PHF14: variants seen among roughly 807,000 people sequenced by gnomAD.
The protein encoded by PHF14 is PHD finger protein 14.
PHF14 carries 55 observed loss-of-function variants against 117.9 expected under a neutral mutation model. That is an observed-to-expected ratio of 0.47 (90% CI 0.38 to 0.58). The LOEUF is 0.58. Ranked by LOEUF, PHF14 falls within the 20% of genes least tolerant of loss-of-function variation. The pLI is 0.00. For missense variants in PHF14, 978 were observed against 1,122.2 expected, an observed-to-expected ratio of 0.87 and a Z score of 1.84; for synonymous variants, 409 against 368.6, an observed-to-expected ratio of 1.11 and a Z score of -1.26.
intron 16 of PHF14, chr7:11,104,979 T>G: frequency 1.1e-6 from 1 of 912,584 alleles, no homozygotes; most frequent in Non-Finnish European, 1.3e-6. Context: ...GATAAAAGAA[T>G]TAGTAATTTC....
rs1216074335 is a variant in PHF14 at position 10,974,094 on chromosome 7, C to T, written c.-230C>T. The T allele has an allele frequency of 1.4e-5, 7 of 509,534 alleles. No homozygotes were observed. In the East Asian group the frequency reaches 1.9e-4, roughly 14 times the overall value. 31.6% of individuals were successfully genotyped at this position (509,534 alleles called of 1,614,324 possible). ...CCGGAGGTCTTCTCCGGCCAGGGAG[C>T]GCTGTGGGAAGGGGCTCGAGCGGCC... On this transcript the variant is annotated 5_prime_UTR_variant, in exon 1 of 18. Coordinates refer to ENST00000634607, the MANE Select transcript of PHF14 (RefSeq NM_001007157.2).
intron 16 of PHF14, chr7:11,102,945 C>G: frequency 9.6e-7 from 1 of 1,041,172 alleles, no homozygotes; most frequent in Non-Finnish European, 1.2e-6. Flanking sequence ...TTAATAAATA[C>G]AATATGCTAC....
intron 16 of PHF14, chr7:11,105,320 A>G (rs1787222225): frequency 2.1e-6 from 2 of 937,022 alleles, no homozygotes; most frequent in South Asian, 4.9e-5. Context: ...CCAATAAATA[A>G]TAAAATATTT....
At chr7:11,110,635 C>A in intron 16 of PHF14, 1 of 449,440 alleles carries the variant, frequency 2.2e-6, no homozygotes, top group Non-Finnish European at 2.9e-6. Context: ...CTAGGAAGTA[C>A]TTTGTAAAAC....
intron 6 of PHF14, among the ~76,000 whole-genome samples, chr7:11,024,962 T>C (rs899294822): frequency 1.3e-5 from 2 of 152,194 alleles, no homozygotes; most frequent in Admixed American, 6.5e-5. Flanking sequence ...GCAAAGTAAA[T>C]TGAAAACCTT....
chr7:11,002,975 T>C (rs978331877), intron 4 of PHF14, among the ~76,000 whole-genome samples: 1 of 151,632 alleles, frequency 6.6e-6, no homozygotes, highest in Non-Finnish European at 1.5e-5. Context: ...TGAGACGGAG[T>C]CTCGCTCTGT....
intron 17 of PHF14, among the ~76,000 whole-genome samples, chr7:11,113,493 C>G (rs1787509156): frequency 6.6e-6 from 1 of 152,008 alleles, no homozygotes; most frequent in South Asian, 2.1e-4. Flanking sequence ...CTAACATTTT[C>G]AAAATTTTAT....
At chr7:11,041,601 C>T (rs1020761009) in intron 12 of PHF14, among the ~76,000 whole-genome samples, 1 of 151,820 alleles carries the variant, frequency 6.6e-6, no homozygotes, top group African/African-American at 2.4e-5. Context: ...GTTGGAGGCT[C>T]CCTCTACAAG....
chr7:11,067,610 TTC>T (rs1785466729), intron 16 of PHF14, among the ~76,000 whole-genome samples: 1 of 152,250 alleles, frequency 6.6e-6, no homozygotes, highest in Non-Finnish European at 1.5e-5. Context: ...TATATGTATA[TTC>T]TCTTAGTCCA....
chr7:11,085,764 G>T (rs1301567175), intron 16 of PHF14, among the ~76,000 whole-genome samples: 1 of 151,634 alleles, frequency 6.6e-6, no homozygotes, highest in Non-Finnish European at 1.5e-5. Flanking sequence ...TCACTATATT[G>T]TCCAGGCTAG....
At chr7:11,122,018 A>AC (rs1358710061) in intron 17 of PHF14, among the ~76,000 whole-genome samples, 1 of 148,810 alleles carries the variant, frequency 6.7e-6, no homozygotes, top group African/African-American at 2.5e-5. Flanking sequence ...CCCTTGCCCT[A>AC]CCCCCCGACA....
chr7:11,133,747 C>A (rs1462286205), intron 17 of PHF14, among the ~76,000 whole-genome samples: 1 of 151,992 alleles, frequency 6.6e-6, no homozygotes, highest in Non-Finnish European at 1.5e-5. Context: ...GGATTATCCT[C>A]AACCACAAAC....
chr7:11,056,525 A>G (rs1785026843), intron 14 of PHF14, among the ~76,000 whole-genome samples: 1 of 152,016 alleles, frequency 6.6e-6, no homozygotes, highest in Non-Finnish European at 1.5e-5. Context: ...TCAATTGACC[A>G]AAGGGAAAGC....
chr7:11,111,765 A>G (rs1402009286), intron 17 of PHF14, among the ~76,000 whole-genome samples: 2 of 152,082 alleles, frequency 1.3e-5, no homozygotes, highest in African/African-American at 2.4e-5. Context: ...CTGCTAACTT[A>G]ACACACTTGA....
At chr7:11,064,396 A>G (rs1785350606) in intron 16 of PHF14, among the ~76,000 whole-genome samples, 1 of 151,944 alleles carries the variant, frequency 6.6e-6, no homozygotes, top group East Asian at 1.9e-4. Flanking sequence ...GATATTTTAA[A>G]TAAGGATTTA....
chr7:10,973,990 T>C lies in PHF14; in HGVS notation c.-334T>C, dbSNP rs1781772424. On this transcript the variant is annotated 5_prime_UTR_variant, in exon 1 of 18. Coordinates refer to ENST00000634607, the MANE Select transcript of PHF14 (RefSeq NM_001007157.2). ...CTGGTCCAGGCTAATAAAGTTTTTCTTTCTTTAATTTTTTTTCTTCTAGTT... is the reference window on the plus strand; with the variant it reads ...CTGGTCCAGGCTAATAAAGTTTTTCCTTCTTTAATTTTTTTTCTTCTAGTT... 3.6e-6 allele frequency: 1 copy of C among 281,518 alleles called. No homozygotes were observed. The highest frequency in any genetic ancestry group is 2.2e-5 in the African/African-American group (1 of 45,118). The allele number at this position is 281,518 out of a possible 1,614,324, so 17.4% of individuals were successfully genotyped here.
intron 10 of PHF14, 87 bp from the exon 11 acceptor site, chr7:11,038,671 TTA>T (rs141703492): frequency 3.5e-4 from 117 of 334,352 alleles, no homozygotes; most frequent in South Asian, 4.7e-4. Context: ...AAAAAAAAAA[TTA>T]TATATATATA....
chr7:11,008,031 T>C (rs1783187727), intron 4 of PHF14, among the ~76,000 whole-genome samples: 1 of 152,168 alleles, frequency 6.6e-6, no homozygotes, highest in Non-Finnish European at 1.5e-5. Flanking sequence ...GACCGTGATG[T>C]CACTTATCCT....
rs1203487144 is a variant in PHF14 at position 11,122,390 on chromosome 7, TACAC to T, written c.2772+10929_2772+10932del. Among the ~76,000 whole-genome samples the T allele has an allele frequency of 1.8e-3, 165 of 91,300 alleles. 4 individuals are homozygous for T. Among genetic ancestry groups the T allele is most frequent in the South Asian group, 2.7e-3 (8 of 2,920 alleles). 59.9% of individuals were successfully genotyped at this position (91,300 alleles called of 152,430 possible). A position where few individuals can be genotyped will look rare whatever the true frequency, so the allele number is the denominator to read the frequency against. The stretch of plus-strand genomic sequence containing the variant: ...ACACACACACACACACACACATACA[TACAC>T]ACACATATATATATACACGTATATA... On this transcript the variant is annotated intron_variant, in intron 17 of 17. Transcript: ENST00000634607.
Sources: gnomAD v4.1 joint callset for allele counts (sites outside exome capture counted in the v4.1 genomes callset) on GRCh38, gnomAD v4.1.1 for gene constraint, MANE v1.5 for transcripts, NCBI Gene and HGNC (gene_info 2026-07-23, HGNC 2026-07-21) for gene names.